Variants in DLGAP2 observed in about 807,000 individuals in gnomAD.
DLGAP2 encodes disks large-associated protein 2.
Under a neutral mutation model 100.3 loss-of-function variants are expected in DLGAP2, and 26 were observed. That is an observed-to-expected ratio of 0.26 (90% confidence interval 0.19 to 0.36). The LOEUF (loss-of-function observed/expected upper bound fraction) is 0.36. DLGAP2 is among the 10% of genes least tolerant of loss of function. The pLI is 1.00. For synonymous variants in DLGAP2, 886 were observed against 630.1 expected (o/e 1.41, Z -6.08); for missense variants, 1,858 against 1,453.2 (o/e 1.28, Z -4.53).
chr8:909,260 A>G (rs988680709), intron 2 of DLGAP2, among the ~76,000 whole-genome samples: 5 of 152,218 alleles, frequency 3.3e-5, no homozygotes, highest in African/African-American at 1.2e-4. Context: ...AATGTATGAA[A>G]AAGTCACATG....
chr8:1,146,842 G>A (rs959900699), intron 2 of DLGAP2, among the ~76,000 whole-genome samples: 1 of 152,194 alleles, frequency 6.6e-6, no homozygotes, highest in African/African-American at 2.4e-5. Context: ...TTTCAGGGCT[G>A]CCTATTAGAA....
intron 5 of DLGAP2, among the ~76,000 whole-genome samples, chr8:1,565,007 C>T (rs755797286): frequency 1.3e-5 from 2 of 152,236 alleles, no homozygotes; most frequent in East Asian, 1.9e-4. Flanking sequence ...TGCATGGGTG[C>T]TCAGCTCTGT....
chr8:1,661,994 G>C (rs1410189593), intron 8 of DLGAP2, among the ~76,000 whole-genome samples: 1 of 152,172 alleles, frequency 6.6e-6, no homozygotes, highest in African/African-American at 2.4e-5. Flanking sequence ...CTTACAGTAT[G>C]GTGAGCCTGT....
chr8:1,604,275 T>C (rs1796722932), intron 6 of DLGAP2, among the ~76,000 whole-genome samples: 1 of 152,194 alleles, frequency 6.6e-6, no homozygotes, highest in Non-Finnish European at 1.5e-5. Context: ...TTTTATCTCC[T>C]AACACCAGGG....
intron 3 of DLGAP2, among the ~76,000 whole-genome samples, chr8:1,298,252 G>C (rs977709383): frequency 1.3e-5 from 2 of 152,136 alleles, no homozygotes; most frequent in Admixed American, 1.3e-4. Flanking sequence ...ATCTTTATAA[G>C]TGATCAAGTA....
intron 2 of DLGAP2, among the ~76,000 whole-genome samples, chr8:1,166,058 C>G (rs983196842): frequency 2.6e-5 from 4 of 152,194 alleles, no homozygotes; most frequent in African/African-American, 7.2e-5. Flanking sequence ...GTGCTCTTTG[C>G]CCAAGGTTAT....
intron 2 of DLGAP2, among the ~76,000 whole-genome samples, chr8:976,572 A>G (rs1398979561): frequency 1.3e-5 from 2 of 152,184 alleles, no homozygotes; most frequent in Non-Finnish European, 2.9e-5. Flanking sequence ...AGATTGCGCC[A>G]CTGCTCTCCA....
intron 2 of DLGAP2, among the ~76,000 whole-genome samples, chr8:1,080,711 A>G (rs1803778892): frequency 1.3e-5 from 2 of 152,170 alleles, no homozygotes; most frequent in African/African-American, 2.4e-5. Context: ...TGTTCAGCTC[A>G]TGCATCTGGA....
At chr8:1,423,444 G>A (rs756068345) in intron 3 of DLGAP2, among the ~76,000 whole-genome samples, 1 of 152,212 alleles carries the variant, frequency 6.6e-6, no homozygotes. Flanking sequence ...GCTCCGCGAG[G>A]TCTGATGACC....
At chr8:1,040,245 G>C (rs73670416) in intron 2 of DLGAP2, among the ~76,000 whole-genome samples, 18 of 137,952 alleles carry the variant, frequency 1.3e-4, no homozygotes, top group African/African-American at 4.4e-4. Flanking sequence ...TCTGTGGTCA[G>C]CTCGGTTTCC....
chr8:1,364,727 G>A (rs537792368), intron 3 of DLGAP2, among the ~76,000 whole-genome samples: 6 of 152,214 alleles, frequency 3.9e-5, no homozygotes, highest in African/African-American at 7.2e-5. Context: ...AGACAGGCCC[G>A]AACTCAGCCA....
intron 2 of DLGAP2, among the ~76,000 whole-genome samples, chr8:1,061,253 A>C (rs1430261911): frequency 6.6e-6 from 1 of 152,088 alleles, no homozygotes; most frequent in East Asian, 1.9e-4. Context: ...TTGCGGGGAA[A>C]TTTTAGAAGA....
At chr8:816,391 G>T (rs1207283673) in intron 1 of DLGAP2, among the ~76,000 whole-genome samples, 3 of 151,438 alleles carry the variant, frequency 2.0e-5, no homozygotes, top group African/African-American at 7.3e-5. Flanking sequence ...AGAGCTCCTT[G>T]TAGCAGTTCT....
intron 3 of DLGAP2, among the ~76,000 whole-genome samples, chr8:1,406,615 A>G (rs1796570149): frequency 2.6e-5 from 1 of 37,912 alleles, no homozygotes; most frequent in Non-Finnish European, 4.5e-5. Context: ...TCGTGTATTG[A>G]GTGCTTACTG....
At chr8:1,029,306 A>C (rs753196637) in intron 2 of DLGAP2, among the ~76,000 whole-genome samples, 2 of 152,208 alleles carry the variant, frequency 1.3e-5, no homozygotes, top group Non-Finnish European at 2.9e-5. Flanking sequence ...TTAGGGCGAG[A>C]AGAGTACAAC....
chr8:1,064,936 C>T (rs897792059), intron 2 of DLGAP2, among the ~76,000 whole-genome samples: 6 of 152,278 alleles, frequency 3.9e-5, no homozygotes, highest in South Asian at 2.1e-4. Context: ...AAGAGCATTG[C>T]GGTATCATGA....
At chr8:1,473,810 C>T (rs1481398072) in intron 3 of DLGAP2, among the ~76,000 whole-genome samples, 3 of 152,246 alleles carry the variant, frequency 2.0e-5, no homozygotes, top group Admixed American at 2.0e-4. Context: ...TGAGGGGTTT[C>T]CCATTTTGCT....
intron 3 of DLGAP2, chr8:1,377,771 C>G (rs1174524875): frequency 1.2e-5 from 1 of 82,730 alleles, no homozygotes; most frequent in African/African-American, 3.6e-5. Context: ...TCCAGCACAG[C>G]TTCTTCATGT....
At chr8:1,254,713 T>A (rs1264763325) in intron 2 of DLGAP2, among the ~76,000 whole-genome samples, 1 of 152,168 alleles carries the variant, frequency 6.6e-6, no homozygotes, top group Non-Finnish European at 1.5e-5. Context: ...CTTCTCAGGA[T>A]GAGACGAAAA....
Sources: gnomAD v4.1 joint callset for allele counts (sites outside exome capture counted in the v4.1 genomes callset) on GRCh38, gnomAD v4.1.1 for gene constraint, MANE v1.5 for transcripts, NCBI Gene and HGNC (gene_info 2026-07-23, HGNC 2026-07-21) for gene names.